Variants in RHEB observed in about 807,000 individuals in gnomAD.
RHEB encodes the protein Ras homolog, mTORC1 binding, also known as GTP-binding protein Rheb.
Under a neutral mutation model 28.8 loss-of-function variants are expected in RHEB, and 2 were observed. The ratio of observed to expected loss-of-function variants is 0.07; its 90% CI spans 0.03 to 0.22. The LOEUF (loss-of-function observed/expected upper bound fraction) is 0.22, where lower values mean the gene tolerates loss of function less well. Among genes scored for constraint, RHEB ranks in the 10% least tolerant of loss-of-function variants. RHEB has a pLI of 1.00. For synonymous variants in RHEB, 69 were observed against 77.3 expected, an observed-to-expected ratio of 0.89 and a Z score of 0.56; for missense variants, 76 against 219.9, an observed-to-expected ratio of 0.35 and a Z score of 4.14.
At chr7:151,519,366 G>T in intron 1 of RHEB, 94 bp downstream of exon 1, 1 of 916,078 alleles carries the variant, frequency 1.1e-6, no homozygotes, top group Non-Finnish European at 1.4e-6. Flanking sequence ...CCACATGGCC[G>T]CGCCGGCTCC....
At chr7:151,512,322 T>C (rs1305957995) in intron 1 of RHEB, among the ~76,000 whole-genome samples, 2 of 152,208 alleles carry the variant, frequency 1.3e-5, no homozygotes, top group Non-Finnish European at 2.9e-5. Context: ...TGGCAGTGTC[T>C]CATTCTGTGA....
intron 1 of RHEB, among the ~76,000 whole-genome samples, chr7:151,499,897 C>T (rs946385693): frequency 2.6e-5 from 4 of 152,198 alleles, no homozygotes; most frequent in African/African-American, 7.2e-5. Flanking sequence ...CAGCCTCCAA[C>T]TCCTGGGCTG....
intron 4 of RHEB, among the ~76,000 whole-genome samples, chr7:151,474,108 T>C (rs961260709): frequency 1.6e-4 from 25 of 152,188 alleles, no homozygotes; most frequent in African/African-American, 5.6e-4. Flanking sequence ...TGAATGTATA[T>C]TTATGCTTTA....
At chr7:151,505,251 A>G (rs970334093) in intron 1 of RHEB, among the ~76,000 whole-genome samples, 12 of 152,328 alleles carry the variant, frequency 7.9e-5, no homozygotes, top group African/African-American at 2.9e-4. Context: ...AACAACAAAA[A>G]AGTCACACTA....
intron 1 of RHEB, chr7:151,502,540 AATT>A: frequency 9.7e-7 from 1 of 1,033,854 alleles, no homozygotes. Flanking sequence ...CTTTCAAACC[AATT>A]AATACGTCAT....
At chr7:151,507,339 T>C (rs1379514117) in intron 1 of RHEB, among the ~76,000 whole-genome samples, 1 of 152,152 alleles carries the variant, frequency 6.6e-6, no homozygotes, top group Non-Finnish European at 1.5e-5. Context: ...GGTTGTTGCT[T>C]TTTCGAGAGG....
intron 1 of RHEB, among the ~76,000 whole-genome samples, chr7:151,510,830 G>C (rs928680934): frequency 6.6e-6 from 1 of 152,152 alleles, no homozygotes; most frequent in African/African-American, 2.4e-5. Context: ...TGTGATCCCA[G>C]AACTCTGGGA....
chr7:151,481,334 T>C (rs1802378979), intron 3 of RHEB, among the ~76,000 whole-genome samples: 4 of 152,218 alleles, frequency 2.6e-5, no homozygotes, highest in Admixed American at 2.0e-4. Flanking sequence ...AACTACTAAG[T>C]AGTAAATAGA....
At chr7:151,471,728 T>C (rs1416024837) in intron 4 of RHEB, 123 bp from the exon 5 acceptor site, 5 of 667,836 alleles carry the variant, frequency 7.5e-6, no homozygotes, top group Admixed American at 6.0e-5. Flanking sequence ...TAACATAAAA[T>C]GAACACAAAG....
intron 1 of RHEB, among the ~76,000 whole-genome samples, chr7:151,494,550 AACAG>A (rs1480535095): frequency 2.6e-5 from 4 of 152,218 alleles, no homozygotes. Flanking sequence ...TCATTCCGGT[AACAG>A]ACAATGTAGT....
At chr7:151,492,244 G>C (rs1269609937) in intron 1 of RHEB, among the ~76,000 whole-genome samples, 1 of 152,144 alleles carries the variant, frequency 6.6e-6, no homozygotes, top group East Asian at 1.9e-4. Flanking sequence ...TCCAAACTAT[G>C]GATAGGTATA....
intron 7 of RHEB, 117 bp downstream of exon 7, chr7:151,470,454 G>A (rs908756559): frequency 1.6e-6 from 1 of 614,078 alleles, no homozygotes. Context: ...TAGAAATGGA[G>A]GAAGGCCAGA....
In RHEB at chr7:151,519,707, C is replaced by A. The variant is rs879126526; in HGVS notation, c.-196G>T. 13 of 365,494 alleles carry A rather than the reference C, an allele frequency of 3.6e-5. No homozygotes were observed. The highest frequency in any genetic ancestry group is 1.3e-4 in the African/African-American group (6 of 46,206). The allele number at this position is 365,494 out of a possible 1,614,324, so 22.6% of individuals were successfully genotyped here. ...CGACCGCGCGGCGGCGCCCCTCCCC[C>A]CCACAACACGCCCACGTGACCGGCC... is the stretch of plus-strand genomic sequence containing the variant. On this transcript the variant is annotated 5_prime_UTR_variant, in exon 1 of 8. Transcript: ENST00000262187.
chr7:151,477,424 A>G lies in RHEB; in HGVS notation c.193-9T>C, dbSNP rs78256132. On this transcript the variant is annotated splice_polypyrimidine_tract_variant and intron_variant, in intron 3 of 7. Coordinates refer to ENST00000262187, the MANE Select transcript of RHEB (RefSeq NM_005614.4). ...AAGATAGAATATTCATCCTGTGGGG[A>G]AAAAAAATTATCTTTGAGTAGTCTT... The G allele has an allele frequency of 1.6e-4, 233 of 1,472,860 alleles. No individual in the cohort carries two copies. The highest frequency in any genetic ancestry group is 1.0e-3 in the Admixed American group (51 of 48,936). 91.2% of individuals were successfully genotyped at this position (1,472,860 alleles called of 1,614,324 possible).
intron 1 of RHEB, among the ~76,000 whole-genome samples, chr7:151,518,519 G>A (rs1189998432): frequency 6.6e-6 from 1 of 152,050 alleles, no homozygotes; most frequent in African/African-American, 2.4e-5. Flanking sequence ...CCGGATGTCG[G>A]GAGACAATAC....
intron 3 of RHEB, 69 bp downstream of exon 3, chr7:151,484,665 TTAA>T: frequency 8.6e-7 from 1 of 1,157,992 alleles, no homozygotes; most frequent in Non-Finnish European, 1.3e-6. Context: ...GCTGGTACTT[TTAA>T]AAATCAGTGC....
chr7:151,518,539 C>T (rs919407646), intron 1 of RHEB, among the ~76,000 whole-genome samples: 1 of 152,146 alleles, frequency 6.6e-6, no homozygotes, highest in African/African-American at 2.4e-5. Context: ...CAGCCTCACC[C>T]TGAAGCGTGT....
chr7:151,518,422 C>T (rs1803120084), intron 1 of RHEB, among the ~76,000 whole-genome samples: 1 of 152,190 alleles, frequency 6.6e-6, no homozygotes, highest in African/African-American at 2.4e-5. Context: ...TTCACCTCCC[C>T]ATCCCCTCAA....
chr7:151,469,429 G>A (rs1802120077), intron 7 of RHEB, among the ~76,000 whole-genome samples: 1 of 152,236 alleles, frequency 6.6e-6, no homozygotes, highest in Non-Finnish European at 1.5e-5. Flanking sequence ...GTGAAATCTA[G>A]GTGGGGCCTT....
Sources: allele counts gnomAD v4.1 joint callset (sites outside exome capture counted in the v4.1 genomes callset), GRCh38; gene constraint gnomAD v4.1.1; transcripts MANE v1.5; gene names NCBI Gene and HGNC (gene_info 2026-07-23, HGNC 2026-07-21).